Variants in SOX5 observed in about 807,000 individuals in gnomAD.
SOX5 encodes the protein transcription factor SOX-5.
A neutral mutation model predicts 92.0 loss-of-function variants in SOX5; 9 were observed. The ratio of observed to expected loss-of-function variants is 0.10; its 90% CI spans 0.06 to 0.17. The LOEUF (loss-of-function observed/expected upper bound fraction) is 0.17. Among genes scored for constraint, SOX5 ranks in the 10% least tolerant of loss-of-function variants. The pLI, the probability that SOX5 is intolerant of heterozygous loss-of-function variation, is 1.00. For missense variants in SOX5, 642 were observed against 944.5 expected (o/e 0.68, Z 4.20); for synonymous variants, 344 against 336.3 (o/e 1.02, Z -0.25).
chr12:24,227,388 G>T (rs1310622617), intron 3 of SOX5: 1 of 152,184 alleles, frequency 6.6e-6, no homozygotes, highest in South Asian at 2.1e-4. Context: ...TACATGGGAG[G>T]TGAAATTTAC....
At chr12:24,543,503 A>T (rs1271648452) in intron 1 of SOX5, among the ~76,000 whole-genome samples, 1 of 152,192 alleles carries the variant, frequency 6.6e-6, no homozygotes. Flanking sequence ...CCTGGCCAAC[A>T]TGGTGAAACT....
intron 4 of SOX5, among the ~76,000 whole-genome samples, chr12:24,033,408 C>T (rs79714212): frequency 6.6e-6 from 1 of 151,872 alleles, no homozygotes; most frequent in Non-Finnish European, 1.5e-5. Context: ...AGGACCATTA[C>T]AAAGTGATTT....
intron 4 of SOX5, among the ~76,000 whole-genome samples, chr12:24,027,147 A>C (rs771511203): frequency 2.6e-5 from 4 of 151,950 alleles, no homozygotes. Context: ...CTTCTTCAAA[A>C]CACCCTCCAC....
At chr12:24,239,050 C>T (rs1965071326) in intron 3 of SOX5, among the ~76,000 whole-genome samples, 1 of 152,102 alleles carries the variant, frequency 6.6e-6, no homozygotes, top group Admixed American at 6.6e-5. Flanking sequence ...AATAGAAATA[C>T]CACATTTTGG....
At chr12:24,428,847 C>A (rs557349406) in intron 1 of SOX5, among the ~76,000 whole-genome samples, 136 of 149,654 alleles carry the variant, frequency 9.1e-4, no homozygotes, top group African/African-American at 3.3e-3. Flanking sequence ...GCATAGTGAG[C>A]CGGTTAATGG....
chr12:24,526,265 T>C (rs1950701775), intron 1 of SOX5, among the ~76,000 whole-genome samples: 1 of 151,504 alleles, frequency 6.6e-6, no homozygotes, highest in Non-Finnish European at 1.5e-5. Flanking sequence ...TTTTTCCTCT[T>C]AAAATGGAAA....
intron 4 of SOX5, among the ~76,000 whole-genome samples, chr12:23,974,227 G>A (rs1948668984): frequency 6.6e-6 from 1 of 152,174 alleles, no homozygotes; most frequent in African/African-American, 2.4e-5. Flanking sequence ...CCACGGAACA[G>A]AGGGACTACA....
At chr12:24,046,268 CG>C (rs1198090430) in intron 4 of SOX5, among the ~76,000 whole-genome samples, 4 of 113,052 alleles carry the variant, frequency 3.5e-5, no homozygotes, top group African/African-American at 1.2e-4. Flanking sequence ...GATGTAAAAG[CG>C]AAACTTGGGG....
chr12:24,176,137 C>T (rs903744642), intron 4 of SOX5, among the ~76,000 whole-genome samples: 1 of 152,020 alleles, frequency 6.6e-6, no homozygotes, highest in African/African-American at 2.4e-5. Context: ...TCAAGACTAG[C>T]CCGGGCAGCA....
rs1943039389 is a variant in SOX5, at chr12:23,545,883, AAAAC to A, written c.1597+429_1597+432del. Among the ~76,000 whole-genome samples the A allele has an allele frequency of 5.3e-5, 8 of 152,012 alleles. No homozygotes were observed. The South Asian group carries it at 1.7e-3, about 32-fold the overall frequency. The stretch of plus-strand genomic sequence containing the variant: ...AAGTAAGTCCTCATCTCAAAAAAAA[AAAAC>A]AAAATTGCTGGGCATGTTGGCATGC... On this transcript the variant is annotated intron_variant, in intron 12 of 14. Transcript: ENST00000451604.
At chr12:23,979,696 A>ATATTTTTT (rs1248234590) in intron 4 of SOX5, among the ~76,000 whole-genome samples, 1 of 27,428 alleles carries the variant, frequency 3.6e-5, no homozygotes. Flanking sequence ...ATATATATAT[A>ATATTTTTT]TGTTTTTTTT....
chr12:24,236,801 C>A (rs915621534), intron 3 of SOX5, among the ~76,000 whole-genome samples: 28 of 151,980 alleles, frequency 1.8e-4, no homozygotes, highest in African/African-American at 6.8e-4. Flanking sequence ...TAATGATTCA[C>A]AGTAGAGGAG....
intron 2 of SOX5, among the ~76,000 whole-genome samples, chr12:24,281,321 G>T (rs146244556): frequency 1.3e-5 from 2 of 149,458 alleles, no homozygotes; most frequent in African/African-American, 4.9e-5. Flanking sequence ...AAGTATAATA[G>T]ACTCTACGGA....
intron 3 of SOX5, among the ~76,000 whole-genome samples, chr12:23,804,916 TATATATATATATATATATATATATATA>T (rs2095736465): frequency 3.0e-4 from 1 of 3,304 alleles, no homozygotes; most frequent in African/African-American, 5.0e-4. Flanking sequence ...ATCATTGTTT[TATATATATATATATATATATATATATA>T]TATATATATA....
intron 6 of SOX5, among the ~76,000 whole-genome samples, chr12:23,727,869 C>T (rs2140762901): frequency 6.6e-6 from 1 of 152,166 alleles, no homozygotes; most frequent in African/African-American, 2.4e-5. Context: ...CTTTTTGGTA[C>T]TTTCTTAGCC....
At chr12:24,338,755 G>A (rs1952206570) in intron 2 of SOX5, among the ~76,000 whole-genome samples, 1 of 152,090 alleles carries the variant, frequency 6.6e-6, no homozygotes, top group Non-Finnish European at 1.5e-5. Context: ...GGATCTGATG[G>A]TTTTATAAAG....
chr12:24,369,135 C>T (rs1956465374), intron 1 of SOX5, among the ~76,000 whole-genome samples: 1 of 152,196 alleles, frequency 6.6e-6, no homozygotes, highest in Admixed American at 6.5e-5. Flanking sequence ...TCTTCATCTT[C>T]CCCCTTCCCT....
intron 4 of SOX5, among the ~76,000 whole-genome samples, chr12:24,025,840 A>G (rs1005177924): frequency 6.6e-6 from 1 of 152,110 alleles, no homozygotes; most frequent in Non-Finnish European, 1.5e-5. Context: ...ATGAATCAGA[A>G]GAGTGAACTG....
intron 2 of SOX5, among the ~76,000 whole-genome samples, chr12:24,339,248 G>T (rs1410241909): frequency 6.6e-6 from 1 of 151,446 alleles, no homozygotes; most frequent in East Asian, 1.9e-4. Flanking sequence ...TAGACATATG[G>T]AGTATGTGTG....
Sources: allele counts gnomAD v4.1 joint callset (sites outside exome capture counted in the v4.1 genomes callset), GRCh38; gene constraint gnomAD v4.1.1; transcripts MANE v1.5; gene names NCBI Gene and HGNC (gene_info 2026-07-23, HGNC 2026-07-21).